The following PSG6 variants were observed in gnomAD, a reference collection of about 807,000 sequenced individuals.
The protein encoded by PSG6 is pregnancy specific beta-1-glycoprotein 6.
Under a neutral mutation model 43.3 loss-of-function variants are expected in PSG6, and 51 were observed. The ratio of observed to expected loss-of-function variants is 1.18; its 90% CI spans 0.94 to 1.49. The LOEUF is 1.49. Among genes scored for constraint, PSG6 ranks in the 40% most tolerant of loss-of-function variants. The pLI, the probability that PSG6 is intolerant of heterozygous loss-of-function variation, is 0.00. For synonymous variants in PSG6, 292 were observed against 197.6 expected (o/e 1.48, Z -4.01); for missense variants, 770 against 522.2 (o/e 1.47, Z -4.62).
At chr19:42,911,948 C>T (rs1363809655) in intron 2 of PSG6, among the ~76,000 whole-genome samples, 1 of 151,530 alleles carries the variant, frequency 6.6e-6, no homozygotes, top group Non-Finnish European at 1.5e-5. Flanking sequence ...TTCTGTTATG[C>T]AGGATGAGGA....
intron 2 of PSG6, among the ~76,000 whole-genome samples, chr19:42,913,420 T>G (rs1169405947): frequency 6.6e-6 from 1 of 151,806 alleles, no homozygotes. Context: ...GCTGGGATTA[T>G]AGGCGTGAGC....
chr19:42,912,472 C>G (rs1376830412), intron 2 of PSG6, among the ~76,000 whole-genome samples: 2 of 151,576 alleles, frequency 1.3e-5, no homozygotes, highest in Non-Finnish European at 2.9e-5. Flanking sequence ...AGAAAGATGC[C>G]AAAGGTGATT....
rs1424537339 is a variant in PSG6, at chr19:42,912,590, T to G, written c.428-1732A>C. 2.0e-5 allele frequency among the ~76,000 whole-genome samples: 3 copies of G among 151,916 alleles called. 1 individual carries two copies. The highest frequency in any genetic ancestry group is 4.4e-5 in the Non-Finnish European group (3 of 67,946). The stretch of plus-strand genomic sequence containing the variant: ...GGATGCCAAATTAAAAGAAGTGATG[T>G]GTGTTATGTTAGTAAATATAGAAAG... On this transcript the variant is annotated intron_variant, in intron 2 of 5. Coordinates refer to ENST00000187910, the MANE Select transcript of PSG6 (RefSeq NM_001031850.4).
At position 42,907,612 on chromosome 19, in the gene PSG6, C is replaced by T; in HGVS notation, c.949G>A (p.Gly317Ser). The T allele has an allele frequency of 6.2e-7, 1 of 1,611,948 alleles. No homozygotes were observed. The highest frequency in any genetic ancestry group is 2.2e-5 in the East Asian group (1 of 44,794). ...YQCEIRDRYGGIRSNPVTLNV... is the reference protein window; with the variant it reads ...YQCEIRDRYGSIRSNPVTLNV... ...AGGGTGACTGGGTTACTGCGGATGC[C>T]ACCATATCGGTCCCGTATTTCACAT... The change falls in exon 4 of 6, where the codon GGC (glycine) becomes AGC (serine). Residue 317 changes from glycine to serine, a missense_variant. Coordinates refer to ENST00000187910, the MANE Select transcript of PSG6 (RefSeq NM_001031850.4).
intron 4 of PSG6, 77 bp from the exon 5 acceptor site, chr19:42,907,253 G>C: frequency 1.3e-6 from 2 of 1,555,338 alleles, no homozygotes; most frequent in Non-Finnish European, 1.7e-6. Context: ...AAGGGACACA[G>C]TGACCCTCTG....
intron 3 of PSG6, chr19:42,910,325 C>T: frequency 1.0e-6 from 1 of 961,646 alleles, no homozygotes; most frequent in Non-Finnish European, 1.5e-6. Flanking sequence ...GATCTGGAGC[C>T]TGAGACATTC....
In PSG6 at chr19:42,906,879, T is replaced by A. The variant is rs753464800; in HGVS notation, c.1240+43A>T. 10 of 1,611,506 alleles carry A rather than the reference T, an allele frequency of 6.2e-6. No individual in the cohort carries two copies. The African/African-American group carries it at 1.1e-4, about 17-fold the overall frequency. Reference sequence around the variant, plus strand: ...ACTCTTCTCTGAAAGCCAGATAGACTCCACCTAAAACCCTATTGCCAAGGA... The same window carrying A: ...ACTCTTCTCTGAAAGCCAGATAGACACCACCTAAAACCCTATTGCCAAGGA... On this transcript the variant is annotated intron_variant, in intron 5 of 5. Transcript: ENST00000187910.
Position 42,902,363 on chromosome 19 carries a change from T to C in PSG6, c.*49A>G, listed in dbSNP as rs1358111143. 1.3e-6 allele frequency: 2 copies of C among 1,592,494 alleles called. No individual in the cohort carries two copies. Among genetic ancestry groups the C allele is most frequent in the Non-Finnish European group, 8.6e-7 (1 of 1,166,866 alleles). On this transcript the variant is annotated 3_prime_UTR_variant, in exon 6 of 6. Coordinates refer to ENST00000187910, the MANE Select transcript of PSG6 (RefSeq NM_001031850.4). ...TTTTTCTTCTTTGTCTTGAATTTCATGAAGGTATCAACCTGTTCTTTTTCT... is the reference window on the plus strand; with the variant it reads ...TTTTTCTTCTTTGTCTTGAATTTCACGAAGGTATCAACCTGTTCTTTTTCT...
In PSG6 at chr19:42,914,552, C is replaced by G. The variant is rs1184539543; in HGVS notation, c.427+1573G>C. Among the ~76,000 whole-genome samples, 7 of 148,752 alleles carry G rather than the reference C, an allele frequency of 4.7e-5. 1 individual carries two copies. Among genetic ancestry groups the G allele is most frequent in the Non-Finnish European group, 7.4e-5 (5 of 67,514 alleles). On this transcript the variant is annotated intron_variant, in intron 2 of 5. Transcript: ENST00000187910. ...TCCAGGACCAAAGAGCCCTGAGAACCCTCCGGTGGCCAAAGAACTTCAGAG... is the reference window on the plus strand; with the variant it reads ...TCCAGGACCAAAGAGCCCTGAGAACGCTCCGGTGGCCAAAGAACTTCAGAG...
At chr19:42,907,237 C>T (rs112217360) in intron 4 of PSG6, 61 bp from the exon 5 acceptor site, 7 of 1,577,974 alleles carry the variant, frequency 4.4e-6, no homozygotes, top group Non-Finnish European at 6.0e-6. Flanking sequence ...TGCTCCTGGT[C>T]TCTTAAAGGG....
chr19:42,914,319 A>G (rs574628438), intron 2 of PSG6, among the ~76,000 whole-genome samples: 11 of 151,486 alleles, frequency 7.3e-5, no homozygotes, highest in Admixed American at 2.6e-4. Flanking sequence ...AAGGGAACAG[A>G]ACAGCCAGCC....
intron 2 of PSG6, chr19:42,915,192 T>C (rs1380258489): frequency 6.6e-6 from 1 of 151,674 alleles, no homozygotes; most frequent in Non-Finnish European, 1.5e-5. Context: ...TCAGTGACTG[T>C]GCCTTCCTGT....
rs1318673764 is a variant in PSG6 at position 42,915,988 on chromosome 19, C to A, written c.427+137G>T. On this transcript the variant is annotated intron_variant, in intron 2 of 5. Transcript: ENST00000187910. ...ATGTGTCTCCTCTGTGTGTGTCCTG[C>A]ACTAAATGCCCAAACCCCAGCATGG... The A allele has an allele frequency of 3.1e-5, 45 of 1,443,076 alleles. 2 individuals carry two copies. The Middle Eastern group carries it at 5.4e-4, about 17-fold the overall frequency. 89.4% of individuals were successfully genotyped at this position (1,443,076 alleles called of 1,614,324 possible).
rs759199236 is a variant in PSG6, at chr19:42,910,497, C to G, written c.706+83G>C. On this transcript the variant is annotated intron_variant, in intron 3 of 5. Coordinates refer to ENST00000187910, the MANE Select transcript of PSG6 (RefSeq NM_001031850.4). ...GGGATAAAGGTCTCTGTACTTGGAC[C>G]TGAGAGGGACTGAGAGGCCTGGCCT... The G allele has an allele frequency of 3.7e-6, 6 of 1,612,044 alleles. No homozygotes were observed. In the Admixed American group the frequency reaches 8.3e-5, roughly 22 times the overall value.
At chr19:42,906,756 AAG>A (rs1972119161) in intron 5 of PSG6, 164 bp downstream of exon 5, 1 of 1,566,586 alleles carries the variant, frequency 6.4e-7, no homozygotes, top group Non-Finnish European at 8.7e-7. Flanking sequence ...AAACAAGCAG[AAG>A]AGAGTCTGTA....
At chr19:42,917,497 G>A (rs1287551815) in intron 1 of PSG6, among the ~76,000 whole-genome samples, 1 of 150,176 alleles carries the variant, frequency 6.7e-6, no homozygotes, top group Admixed American at 6.7e-5. Context: ...CCGAAAGCTG[G>A]GATTACAGGA....
chr19:42,907,890 C>T (rs746833052), intron 3 of PSG6, 36 bp from the exon 4 acceptor site: 8 of 1,604,024 alleles, frequency 5.0e-6, no homozygotes, highest in Non-Finnish European at 4.3e-6. Context: ...TGTGTGGCAC[C>T]TTTGATTCCT....
intron 2 of PSG6, among the ~76,000 whole-genome samples, chr19:42,912,540 T>C (rs1247198742): frequency 6.6e-6 from 1 of 151,704 alleles, no homozygotes; most frequent in Admixed American, 6.6e-5. Flanking sequence ...AACTGGTTAG[T>C]GTGTCAATTA....
intron 1 of PSG6, 84 bp from the exon 2 acceptor site, chr19:42,916,571 C>G: frequency 6.7e-7 from 1 of 1,502,426 alleles, no homozygotes; most frequent in Non-Finnish European, 9.0e-7. Context: ...GAGAAGGTCT[C>G]TTCAATCATC....
Sources: allele counts gnomAD v4.1 joint callset (sites outside exome capture counted in the v4.1 genomes callset), GRCh38; gene constraint gnomAD v4.1.1; transcripts MANE v1.5; gene names NCBI Gene and HGNC (gene_info 2026-07-23, HGNC 2026-07-21).